NRG3: variants seen among roughly 807,000 people sequenced by gnomAD.
NRG3 encodes pro-neuregulin-3, membrane-bound isoform.
Under a neutral mutation model 66.9 loss-of-function variants are expected in NRG3, and 31 were observed. The ratio of observed to expected loss-of-function variants is 0.46; its 90% confidence interval spans 0.35 to 0.63. NRG3 has a LOEUF of 0.63. Among genes scored for constraint, NRG3 ranks in the 20% least tolerant of loss-of-function variants. The pLI is 0.00. For missense variants in NRG3, 910 were observed against 878.9 expected (o/e 1.04, Z -0.45); for synonymous variants, 393 against 359.4 (o/e 1.09, Z -1.06).
At chr10:82,309,898 A>C (rs570008812) in intron 1 of NRG3, among the ~76,000 whole-genome samples, 9 of 152,306 alleles carry the variant, frequency 5.9e-5, no homozygotes, top group Admixed American at 5.9e-4. Context: ...TTGTTAGCTT[A>C]TTATTTTAAT....
intron 3 of NRG3, among the ~76,000 whole-genome samples, chr10:82,847,757 T>C (rs1370398721): frequency 6.6e-6 from 1 of 152,196 alleles, no homozygotes; most frequent in Non-Finnish European, 1.5e-5. Flanking sequence ...TCCCAGTGCG[T>C]AGTCCAGGGT....
intron 4 of NRG3, among the ~76,000 whole-genome samples, chr10:82,868,212 G>A (rs1028987427): frequency 2.6e-5 from 4 of 152,140 alleles, no homozygotes; most frequent in African/African-American, 7.2e-5. Flanking sequence ...GACTGCCAGT[G>A]GCACTGGTAA....
intron 3 of NRG3, among the ~76,000 whole-genome samples, chr10:82,788,624 T>A (rs2060465819): frequency 6.6e-6 from 1 of 152,046 alleles, no homozygotes; most frequent in South Asian, 2.1e-4. Context: ...CTATCTCCTT[T>A]GAGAAGACAA....
chr10:82,624,219 G>A (rs888109043), intron 2 of NRG3, among the ~76,000 whole-genome samples: 25 of 152,098 alleles, frequency 1.6e-4, no homozygotes, highest in African/African-American at 5.1e-4. Context: ...TGCTTAGTAT[G>A]ACTTGAAAAT....
At chr10:82,780,293 C>T (rs1446303261) in intron 3 of NRG3, among the ~76,000 whole-genome samples, 1 of 152,072 alleles carries the variant, frequency 6.6e-6, no homozygotes, top group Admixed American at 6.6e-5. Context: ...TGAGGATCAC[C>T]ACACTGTCTT....
intron 2 of NRG3, among the ~76,000 whole-genome samples, chr10:82,561,949 G>C (rs560628616): frequency 6.6e-6 from 1 of 152,228 alleles, no homozygotes; most frequent in African/African-American, 2.4e-5. Flanking sequence ...AAGCACCAAA[G>C]TTACTTAATG....
At chr10:82,371,183 TATA>T (rs1343150195) in intron 2 of NRG3, among the ~76,000 whole-genome samples, 1 of 152,120 alleles carries the variant, frequency 6.6e-6, no homozygotes, top group Non-Finnish European at 1.5e-5. Context: ...TATTTGGGAT[TATA>T]GGGAAACGCA....
chr10:82,964,303 C>T (rs887556131), intron 6 of NRG3, among the ~76,000 whole-genome samples: 18 of 152,072 alleles, frequency 1.2e-4, no homozygotes, highest in Non-Finnish European at 2.2e-4. Flanking sequence ...AAATAGTGAA[C>T]GGTGCTATCA....
chr10:82,737,753 G>T (rs1035098746), intron 2 of NRG3, among the ~76,000 whole-genome samples: 1 of 152,152 alleles, frequency 6.6e-6, no homozygotes, highest in African/African-American at 2.4e-5. Context: ...ATGAGCCACT[G>T]CTGTCCGAGG....
intron 4 of NRG3, among the ~76,000 whole-genome samples, chr10:82,937,367 CAT>C (rs1395677290): frequency 6.6e-6 from 1 of 152,108 alleles, no homozygotes; most frequent in African/African-American, 2.4e-5. Context: ...AAAACTGAGT[CAT>C]AGACAGGTTA....
rs1846202156 is a variant in NRG3, at chr10:82,919,417, G to GCA, written c.1055-32051_1055-32050dup. ...ATTAAATGACACTAGAGTGAAATAAGCAACCAGCGATTATAGGGAATAAAA... is the reference window on the plus strand; with the variant it reads ...ATTAAATGACACTAGAGTGAAATAAGCACAACCAGCGATTATAGGGAATAAAA... On this transcript the variant is annotated intron_variant, in intron 4 of 8. Coordinates refer to ENST00000372141, the MANE Select transcript of NRG3 (RefSeq NM_001010848.4). 5.9e-5 allele frequency among the ~76,000 whole-genome samples: 9 copies of GCA among 152,184 alleles called. No individual in the cohort carries two copies. In the South Asian group the frequency reaches 1.9e-3, roughly 32 times the overall value.
chr10:82,472,281 A>G (rs1446349948), intron 2 of NRG3, among the ~76,000 whole-genome samples: 1 of 152,182 alleles, frequency 6.6e-6, no homozygotes, highest in East Asian at 1.9e-4. Flanking sequence ...TTCCATGTAG[A>G]AGCAGACATA....
In NRG3 at chr10:82,336,939, C is replaced by T. The variant is rs1589760934; in HGVS notation, c.824-21800C>T. Among the ~76,000 whole-genome samples the T allele has an allele frequency of 2.0e-5, 3 of 152,242 alleles. No homozygotes were observed. The East Asian group carries it at 5.8e-4, about 29-fold the overall frequency. ...ATAATATTTGTTCTGAAACAAAGGT[C>T]TGGGAGTCAAGTTTGTCAATAAGGC... On this transcript the variant is annotated intron_variant, in intron 1 of 8. Coordinates refer to ENST00000372141, the MANE Select transcript of NRG3 (RefSeq NM_001010848.4).
At chr10:82,925,016 C>T (rs1348832860) in intron 4 of NRG3, among the ~76,000 whole-genome samples, 3 of 152,162 alleles carry the variant, frequency 2.0e-5, no homozygotes, top group African/African-American at 7.2e-5. Flanking sequence ...ATGCTGAAAA[C>T]TTTGTATCCA....
intron 1 of NRG3, among the ~76,000 whole-genome samples, chr10:82,012,513 T>A (rs1289864551): frequency 6.6e-6 from 1 of 152,200 alleles, no homozygotes; most frequent in East Asian, 1.9e-4. Context: ...CCTCAGAAAA[T>A]GGGTTTTTCT....
chr10:82,962,555 T>C (rs1850761421), intron 6 of NRG3, among the ~76,000 whole-genome samples: 2 of 152,140 alleles, frequency 1.3e-5, no homozygotes, highest in African/African-American at 4.8e-5. Context: ...ATTTAATGCC[T>C]AGGCCAGGCG....
At chr10:82,238,358 A>G (rs1039524570) in intron 1 of NRG3, among the ~76,000 whole-genome samples, 1 of 152,194 alleles carries the variant, frequency 6.6e-6, no homozygotes, top group African/African-American at 2.4e-5. Flanking sequence ...AGTATATAAA[A>G]TATTACGTTT....
At chr10:82,960,576 A>T (rs1157447089) in intron 6 of NRG3, among the ~76,000 whole-genome samples, 2 of 151,600 alleles carry the variant, frequency 1.3e-5, no homozygotes, top group African/African-American at 4.9e-5. Flanking sequence ...AAGCCATCAT[A>T]TCCCCTGTGA....
At chr10:82,165,041 A>G (rs1253184273) in intron 1 of NRG3, among the ~76,000 whole-genome samples, 1 of 152,186 alleles carries the variant, frequency 6.6e-6, no homozygotes, top group Non-Finnish European at 1.5e-5. Flanking sequence ...ATATCTATGT[A>G]TAGATAGACA....
Sources: gnomAD v4.1 joint callset for allele counts (sites outside exome capture counted in the v4.1 genomes callset) on GRCh38, gnomAD v4.1.1 for gene constraint, MANE v1.5 for transcripts, NCBI Gene and HGNC (gene_info 2026-07-23, HGNC 2026-07-21) for gene names.